The following SETBP1 variants were observed in gnomAD, a reference collection of about 807,000 sequenced individuals.
SETBP1 encodes SET binding protein 1.
SETBP1 carries 9 observed loss-of-function variants against 101.0 expected under a neutral mutation model. The observed-to-expected ratio is 0.09, with a 90% confidence interval of 0.05 to 0.16. The LOEUF (loss-of-function observed/expected upper bound fraction) is 0.16. Among genes scored for constraint, SETBP1 ranks in the 10% least tolerant of loss-of-function variants. SETBP1 has a pLI of 1.00. For synonymous variants in SETBP1, 818 were observed against 788.5 expected, an observed-to-expected ratio of 1.04 and a Z score of -0.63; for missense variants, 1,858 against 2,033.8, an observed-to-expected ratio of 0.91 and a Z score of 1.66.
intron 4 of SETBP1, among the ~76,000 whole-genome samples, chr18:44,981,615 T>A (rs918491416): frequency 9.2e-5 from 14 of 152,208 alleles, no homozygotes; most frequent in African/African-American, 3.4e-4. Context: ...CAGGGGTTAT[T>A]ATGGCAGCCA....
intron 2 of SETBP1, among the ~76,000 whole-genome samples, chr18:44,776,678 C>A (rs545849892): frequency 3.9e-5 from 6 of 152,158 alleles, no homozygotes; most frequent in Admixed American, 3.9e-4. Context: ...ATCTTTTAGC[C>A]ACAAAAAAAT....
intron 3 of SETBP1, among the ~76,000 whole-genome samples, chr18:44,881,622 T>A (rs553253094): frequency 6.6e-6 from 1 of 152,336 alleles, no homozygotes; most frequent in African/African-American, 2.4e-5. Flanking sequence ...AGGGGCCTGA[T>A]GGGTTTTGTT....
chr18:44,733,854 A>G (rs2069897186), intron 2 of SETBP1, among the ~76,000 whole-genome samples: 1 of 152,122 alleles, frequency 6.6e-6, no homozygotes. Flanking sequence ...CCTTCTGACC[A>G]GGCTGCCATC....
intron 3 of SETBP1, among the ~76,000 whole-genome samples, chr18:44,945,971 C>T (rs2071196404): frequency 6.6e-6 from 1 of 152,282 alleles, no homozygotes; most frequent in South Asian, 2.1e-4. Flanking sequence ...GCTCAGTTCT[C>T]AGCAAAGGAC....
intron 3 of SETBP1, among the ~76,000 whole-genome samples, chr18:44,899,757 C>T (rs1457674370): frequency 6.6e-6 from 1 of 152,142 alleles, no homozygotes; most frequent in African/African-American, 2.4e-5. Flanking sequence ...AATTACTCAT[C>T]CCTCTAAGGT....
chr18:45,047,722 G>A (rs963407647), intron 5 of SETBP1, among the ~76,000 whole-genome samples: 1 of 152,156 alleles, frequency 6.6e-6, no homozygotes, highest in African/African-American at 2.4e-5. Flanking sequence ...CTGTCATTAA[G>A]AATGATCTTG....
intron 4 of SETBP1, among the ~76,000 whole-genome samples, chr18:44,996,164 A>G (rs2145311123): frequency 6.6e-6 from 1 of 152,296 alleles, no homozygotes; most frequent in East Asian, 1.9e-4. Context: ...CTTCTCTCTC[A>G]AAAAGTATAA....
chr18:45,004,684 A>G (rs1277339593), intron 4 of SETBP1, among the ~76,000 whole-genome samples: 1 of 152,152 alleles, frequency 6.6e-6, no homozygotes, highest in African/African-American at 2.4e-5. Flanking sequence ...CCCCAGGCCC[A>G]GTGTTTCTGG....
intron 3 of SETBP1, among the ~76,000 whole-genome samples, chr18:44,911,908 G>C (rs547501173): frequency 6.6e-6 from 1 of 150,818 alleles, no homozygotes; most frequent in South Asian, 2.1e-4. Flanking sequence ...GAAGAGAGAA[G>C]GTACAAACGT....
intron 2 of SETBP1, among the ~76,000 whole-genome samples, chr18:44,865,442 C>G (rs1296792454): frequency 6.6e-6 from 1 of 152,150 alleles, no homozygotes; most frequent in African/African-American, 2.4e-5. Flanking sequence ...CTCCTCTTCT[C>G]CAGGGACCTC....
intron 4 of SETBP1, among the ~76,000 whole-genome samples, chr18:45,013,237 C>T (rs2072875409): frequency 6.6e-6 from 1 of 152,138 alleles, no homozygotes; most frequent in Non-Finnish European, 1.5e-5. Context: ...CCTCCTTGGC[C>T]CCACCCTGCC....
At chr18:44,757,686 C>A (rs1011712192) in intron 2 of SETBP1, among the ~76,000 whole-genome samples, 2 of 152,176 alleles carry the variant, frequency 1.3e-5, no homozygotes, top group Admixed American at 6.5e-5. Context: ...AAATATTTAG[C>A]AGATAATGAA....
At chr18:45,018,553 A>G (rs564742557) in intron 4 of SETBP1, among the ~76,000 whole-genome samples, 2 of 152,346 alleles carry the variant, frequency 1.3e-5, no homozygotes, top group Non-Finnish European at 2.9e-5. Context: ...GGAAGTCAGG[A>G]TTGTTATGTG....
At chr18:44,859,192 G>A in intron 2 of SETBP1, among the ~76,000 whole-genome samples, 1 of 152,190 alleles carries the variant, frequency 6.6e-6, no homozygotes, top group South Asian at 2.1e-4. Flanking sequence ...CCCAGATTTA[G>A]GAATGAAACT....
chr18:44,781,684 A>T (rs532524622), intron 2 of SETBP1, among the ~76,000 whole-genome samples: 1 of 152,316 alleles, frequency 6.6e-6, no homozygotes, highest in South Asian at 2.1e-4. Context: ...GAATTTTTCC[A>T]TTAAAGTTTC....
intron 2 of SETBP1, among the ~76,000 whole-genome samples, chr18:44,708,564 C>T (rs771436283): frequency 4.6e-5 from 7 of 152,152 alleles, no homozygotes; most frequent in Non-Finnish European, 7.4e-5. Flanking sequence ...AGGTGGGGAA[C>T]GACCTTTTCT....
chr18:44,713,347 A>G (rs2069387917), intron 2 of SETBP1, among the ~76,000 whole-genome samples: 1 of 151,304 alleles, frequency 6.6e-6, no homozygotes, highest in African/African-American at 2.4e-5. Flanking sequence ...ACGGGGGGGG[A>G]CGTGCCACCT....
At chr18:44,928,092 C>T (rs1163297239) in intron 3 of SETBP1, among the ~76,000 whole-genome samples, 1 of 152,160 alleles carries the variant, frequency 6.6e-6, no homozygotes, top group African/African-American at 2.4e-5. Flanking sequence ...CACCCCACCC[C>T]ACGACAGGCC....
At chr18:44,731,642 A>ACT (rs2069840379) in intron 2 of SETBP1, among the ~76,000 whole-genome samples, 1 of 152,038 alleles carries the variant, frequency 6.6e-6, no homozygotes, top group Non-Finnish European at 1.5e-5. Flanking sequence ...ACACACACAC[A>ACT]CACACACACA....
Sources: allele counts gnomAD v4.1 joint callset (sites outside exome capture counted in the v4.1 genomes callset), GRCh38; gene constraint gnomAD v4.1.1; transcripts MANE v1.5; gene names NCBI Gene and HGNC (gene_info 2026-07-23, HGNC 2026-07-21).